MAP4K3: variants seen among roughly 807,000 people sequenced by gnomAD.
MAP4K3 encodes the protein mitogen-activated protein kinase kinase kinase kinase 3.
MAP4K3 carries 94 observed loss-of-function variants against 143.5 expected under a neutral mutation model. That is an observed-to-expected ratio of 0.65 (90% CI 0.55 to 0.78). The LOEUF (loss-of-function observed/expected upper bound fraction) is 0.78, where lower values mean the gene tolerates loss of function less well. Ranked by LOEUF, MAP4K3 falls within the 30% of genes least tolerant of loss-of-function variation. The pLI is 0.00. For missense variants in MAP4K3, 1,077 were observed against 1,068.1 expected (o/e 1.01, Z -0.12); for synonymous variants, 416 against 347.2 (o/e 1.20, Z -2.20).
At chr2:39,375,460 G>A (rs1666193762) in intron 2 of MAP4K3, among the ~76,000 whole-genome samples, 1 of 152,076 alleles carries the variant, frequency 6.6e-6, no homozygotes, top group African/African-American at 2.4e-5. Context: ...CAGGATAAAT[G>A]ATCGAGTTAC....
chr2:39,383,013 G>A (rs1372129985), intron 1 of MAP4K3, among the ~76,000 whole-genome samples: 1 of 152,180 alleles, frequency 6.6e-6, no homozygotes, highest in Non-Finnish European at 1.5e-5. Context: ...TATTTTGAGT[G>A]TACCAGGCCA....
intron 1 of MAP4K3, among the ~76,000 whole-genome samples, chr2:39,413,451 G>C (rs975914995): frequency 9.2e-5 from 14 of 152,156 alleles, no homozygotes; most frequent in Middle Eastern, 3.2e-3. Context: ...ACTGGGTACA[G>C]TCAGTGGTCA....
intron 6 of MAP4K3, among the ~76,000 whole-genome samples, chr2:39,333,909 G>T (rs945466487): frequency 2.0e-5 from 3 of 151,226 alleles, no homozygotes; most frequent in Admixed American, 1.3e-4. Context: ...ACCGTACAAT[G>T]CATTTTCAAC....
intron 28 of MAP4K3, among the ~76,000 whole-genome samples, chr2:39,261,713 A>T (rs193115709): frequency 1.4e-4 from 21 of 152,334 alleles, no homozygotes; most frequent in African/African-American, 5.1e-4. Context: ...ACAAAATAAA[A>T]AATTATATAT....
In MAP4K3 at chr2:39,292,772, C is replaced by G; in HGVS notation, c.1271+1G>C. 1 of 1,612,398 alleles carries G rather than the reference C, an allele frequency of 6.2e-7. No homozygotes were observed. ...TTACCAAAAACAGAGACAGAACTTACTGTTTAGATTCATCATCATCTCCTT... is the reference window on the plus strand; with the variant it reads ...TTACCAAAAACAGAGACAGAACTTAGTGTTTAGATTCATCATCATCTCCTT... On this transcript the variant is annotated splice_donor_variant, in intron 18 of 33. Coordinates refer to ENST00000263881, the MANE Select transcript of MAP4K3 (RefSeq NM_003618.4). LOFTEE classifies it high-confidence loss of function.
At chr2:39,293,907 T>C (rs1317448137) in intron 16 of MAP4K3, 2 of 152,374 alleles carry the variant, frequency 1.3e-5, no homozygotes, top group African/African-American at 4.8e-5. Flanking sequence ...ACTAAGCCTG[T>C]ATCAGACCAG....
intron 6 of MAP4K3, among the ~76,000 whole-genome samples, chr2:39,336,185 G>A (rs951621911): frequency 6.6e-6 from 1 of 152,108 alleles, no homozygotes; most frequent in African/African-American, 2.4e-5. Context: ...AAAAGACTAT[G>A]AGAAGGCAGG....
At chr2:39,253,308 A>G (rs979444934) in intron 32 of MAP4K3, among the ~76,000 whole-genome samples, 2 of 151,982 alleles carry the variant, frequency 1.3e-5, no homozygotes, top group African/African-American at 2.4e-5. Context: ...TAATTTTTCT[A>G]TTTTTAGTAC....
At chr2:39,396,201 C>T (rs1666800554) in intron 1 of MAP4K3, among the ~76,000 whole-genome samples, 1 of 150,188 alleles carries the variant, frequency 6.7e-6, no homozygotes, top group South Asian at 2.1e-4. Context: ...CCACACCTGG[C>T]TAATTTTTAA....
At chr2:39,271,596 T>C (rs1050058218) in intron 26 of MAP4K3, among the ~76,000 whole-genome samples, 1 of 152,216 alleles carries the variant, frequency 6.6e-6, no homozygotes, top group African/African-American at 2.4e-5. Context: ...AATTATCTTC[T>C]AATGCAAAAC....
intron 31 of MAP4K3, among the ~76,000 whole-genome samples, 200 bp from the exon 32 acceptor site, chr2:39,254,720 T>A (rs1462193288): frequency 6.6e-6 from 1 of 152,124 alleles, no homozygotes; most frequent in Non-Finnish European, 1.5e-5. Flanking sequence ...TAGGAAAAAA[T>A]TCACCGAAAA....
chr2:39,422,451 G>A (rs1667574426), intron 1 of MAP4K3, among the ~76,000 whole-genome samples: 1 of 152,142 alleles, frequency 6.6e-6, no homozygotes, highest in African/African-American at 2.4e-5. Flanking sequence ...AAGCCAAAGA[G>A]TGAGGCCTCA....
intron 1 of MAP4K3, among the ~76,000 whole-genome samples, chr2:39,394,543 G>A (rs767028345): frequency 6.6e-6 from 1 of 152,168 alleles, no homozygotes; most frequent in African/African-American, 2.4e-5. Context: ...ATCCAGAGGT[G>A]TCTAGAACAG....
At chr2:39,338,675 C>T (rs370091363) in intron 4 of MAP4K3, among the ~76,000 whole-genome samples, 1 of 152,190 alleles carries the variant, frequency 6.6e-6, no homozygotes, top group South Asian at 2.1e-4. Flanking sequence ...CCAGAACTCA[C>T]GTTGAAACTT....
chr2:39,295,715 GTTTT>G (rs56299783), intron 16 of MAP4K3, among the ~76,000 whole-genome samples: 1 of 98,540 alleles, frequency 1.0e-5, no homozygotes. Context: ...CGCATTCCAT[GTTTT>G]TTTTTTTTTT....
At position 39,299,816 on chromosome 2, in the gene MAP4K3, TA is replaced by T; in HGVS notation, c.1120-16del. ...AGTTGCAGATCCTAATAGTACAAAA[TA>T]AAATATTTAGCACAATAGTAGTATA... is the stretch of plus-strand genomic sequence containing the variant. On this transcript the variant is annotated splice_polypyrimidine_tract_variant and intron_variant, in intron 15 of 33. Transcript: ENST00000263881. The T allele has an allele frequency of 1.4e-6, 2 of 1,480,540 alleles. No homozygotes were observed. The highest frequency in any genetic ancestry group is 1.8e-6 in the Non-Finnish European group (2 of 1,089,278). The allele number at this position is 1,480,540 out of a possible 1,614,324, so 91.7% of individuals were successfully genotyped here.
At chr2:39,352,208 T>G (rs1262321924) in intron 3 of MAP4K3, among the ~76,000 whole-genome samples, 1 of 151,984 alleles carries the variant, frequency 6.6e-6, no homozygotes, top group African/African-American at 2.4e-5. Flanking sequence ...GAAGAATCTC[T>G]AGAACTCGGG....
At chr2:39,293,167 G>C in intron 17 of MAP4K3, 63 bp downstream of exon 17, 1 of 1,168,188 alleles carries the variant, frequency 8.6e-7, no homozygotes, top group Non-Finnish European at 1.2e-6. Context: ...TAACAGAGAA[G>C]AAGGCAAACT....
rs1329338564 is a variant in MAP4K3 at position 39,280,305 on chromosome 2, A to G, written c.1681T>C (p.Cys561Arg). The G allele has an allele frequency of 6.2e-7, 1 of 1,600,394 alleles. No homozygotes were observed. The highest frequency in any genetic ancestry group is 1.7e-5 in the Admixed American group (1 of 59,674). The change falls in exon 23 of 34, where the codon TGT (cysteine) becomes CGT (arginine). Residue 561 changes from cysteine (C) to arginine (R), a missense_variant. Physicochemically the swap from Cys to Arg is radical, Grantham distance 180. Around this residue, in one of 2 missense-constraint regions of MAP4K3, gnomAD observed 864 missense variants for 801.2 expected, o/e 1.08. Coordinates refer to ENST00000263881, the MANE Select transcript of MAP4K3 (RefSeq NM_003618.4). ...VFNGCPLKIH[C>R]ASSWINPDTR... ...TCTGGGTTTATCCATGATGATGCAC[A>G]GTGAATTTTCAAGGGACACCCATTA... is the stretch of plus-strand genomic sequence containing the variant.
Sources: gnomAD v4.1 joint callset for allele counts (sites outside exome capture counted in the v4.1 genomes callset) on GRCh38, gnomAD v4.1.1 for gene constraint, gnomAD v4.1.1 regional missense constraint, MANE v1.5 for transcripts, NCBI Gene and HGNC (gene_info 2026-07-23, HGNC 2026-07-21) for gene names.